Variants in IGSF10 observed in about 807,000 individuals in gnomAD.
IGSF10 encodes the protein calvaria mechanical force protein 608.
Under a neutral mutation model 128.2 loss-of-function variants are expected in IGSF10, and 126 were observed. That is an observed-to-expected ratio of 0.98 (90% CI 0.85 to 1.14). The LOEUF (loss-of-function observed/expected upper bound fraction) is 1.14. Ranked by LOEUF, IGSF10 falls within the 50% of genes most tolerant of loss-of-function variation. The probability of loss-of-function intolerance (pLI) is 0.00; values close to 1 mark genes in which losing one functional copy is unlikely to be tolerated. For synonymous variants in IGSF10, 1,185 were observed against 1,146.2 expected (o/e 1.03, Z -0.68); for missense variants, 3,295 against 3,149.8 (o/e 1.05, Z -1.10).
chr3:151,507,407 A>C, the IGSF10 span, among the ~76,000 whole-genome samples: 1 of 152,216 alleles, frequency 6.6e-6, no homozygotes, highest in African/African-American at 2.4e-5. Context: ...ATATTAAATT[A>C]AGTAGATAAT....
Position 151,443,061 on chromosome 3 carries a change from G to A in IGSF10, c.5886C>T (p.Asn1962=). ...GTTTGGGCTCCCCAGTGGCTGAGCAGTTCAGTAGTAATTTGTCCCCAAAAT... is the reference window on the plus strand; with the variant it reads ...GTTTGGGCTCCCCAGTGGCTGAGCAATTCAGTAGTAATTTGTCCCCAAAAT... The part of the protein sequence containing the change: ...EVNFGDKLLL[N]CSATGEPKPQ... Residue 1962 remains asparagine, a synonymous_variant, in exon 7 of 8, where the codon AAC becomes AAT. Transcript: ENST00000282466. The A allele has an allele frequency of 1.2e-6, 2 of 1,614,228 alleles. No homozygotes were observed. Among genetic ancestry groups the A allele is most frequent in the African/African-American group, 2.7e-5 (2 of 75,054 alleles).
At chr3:151,459,546 G>A (rs1721954721) in intron 2 of IGSF10, among the ~76,000 whole-genome samples, 1 of 152,186 alleles carries the variant, frequency 6.6e-6, no homozygotes, top group Non-Finnish European at 1.5e-5. Context: ...GTGCAGGCAT[G>A]ATGCTGTCTG....
the IGSF10 span, among the ~76,000 whole-genome samples, chr3:151,617,520 G>A: frequency 6.6e-6 from 1 of 151,656 alleles, no homozygotes; most frequent in Non-Finnish European, 1.5e-5. Context: ...GTTCATAACC[G>A]AAGGAGAATT....
the IGSF10 span, among the ~76,000 whole-genome samples, chr3:151,502,409 C>T: frequency 3.3e-5 from 5 of 152,026 alleles, no homozygotes; most frequent in East Asian, 9.6e-4. Context: ...TGGAGTGACG[C>T]TTGTATTTTA....
chr3:151,554,425 ATAAC>A, the IGSF10 span, among the ~76,000 whole-genome samples: 950 of 152,264 alleles, frequency 6.2e-3, 10 homozygotes, highest in African/African-American at 0.022. Flanking sequence ...TTCATAATAA[ATAAC>A]TAAGGCTAGC....
At chr3:151,512,938 C>T in the IGSF10 span, among the ~76,000 whole-genome samples, 6 of 152,146 alleles carry the variant, frequency 3.9e-5, no homozygotes, top group Non-Finnish European at 8.8e-5. Flanking sequence ...TCTGAAAAGA[C>T]CAATAACAGG....
the IGSF10 span, among the ~76,000 whole-genome samples, chr3:151,559,734 T>A: frequency 6.6e-6 from 1 of 151,826 alleles, no homozygotes; most frequent in African/African-American, 2.4e-5. Flanking sequence ...AGTAAGAGAG[T>A]GGTCCTCGCC....
chr3:151,490,755 AAAC>A, the IGSF10 span, among the ~76,000 whole-genome samples: 12 of 152,312 alleles, frequency 7.9e-5, no homozygotes, highest in East Asian at 1.7e-3. Flanking sequence ...TGTAGAGATT[AAAC>A]AACATGCTCC....
the IGSF10 span, among the ~76,000 whole-genome samples, chr3:151,544,851 C>A: frequency 6.6e-6 from 1 of 151,934 alleles, no homozygotes; most frequent in East Asian, 1.9e-4. Context: ...TGATTCTTCT[C>A]TCCTTTGTTT....
the IGSF10 span, among the ~76,000 whole-genome samples, chr3:151,469,840 T>TA: frequency 1.3e-5 from 2 of 152,198 alleles, no homozygotes; most frequent in Non-Finnish European, 2.9e-5. Flanking sequence ...TCCTAGCAGT[T>TA]AAAAAGCCAA....
chr3:151,575,341 A>G, the IGSF10 span, among the ~76,000 whole-genome samples: 1 of 152,190 alleles, frequency 6.6e-6, no homozygotes, highest in Non-Finnish European at 1.5e-5. Flanking sequence ...TGGAGTCTAC[A>G]GAGGCAGGCA....
chr3:151,607,372 T>C, the IGSF10 span, among the ~76,000 whole-genome samples: 2 of 151,928 alleles, frequency 1.3e-5, no homozygotes, highest in Non-Finnish European at 2.9e-5. Flanking sequence ...CATATTAGAA[T>C]CACCTGGGGA....
Position 151,448,948 on chromosome 3 carries a change from A to C in IGSF10, c.1033T>G (p.Phe345Val). 1 of 1,614,228 alleles carries C rather than the reference A, an allele frequency of 6.2e-7. No individual in the cohort carries two copies. The highest frequency in any genetic ancestry group is 8.5e-7 in the Non-Finnish European group (1 of 1,180,028). Reference protein sequence around the residue: ...QKPSRTSPIAFTEENDYIVLN... With the variant: ...QKPSRTSPIAVTEENDYIVLN... ...ACGATGTAGTCATTTTCTTCAGTGA[A>C]TGCAATGGGTGATGTCCTTGAGGGC... Residue 345 changes from phenylalanine (F) to valine (V), a missense_variant, in exon 6 of 8, where the codon TTC becomes GTC. Transcript: ENST00000282466.
chr3:151,573,411 C>G, the IGSF10 span, among the ~76,000 whole-genome samples: 14 of 152,192 alleles, frequency 9.2e-5, no homozygotes, highest in Non-Finnish European at 2.1e-4. Context: ...TCTGGATTCT[C>G]CTGCATTGGG....
chr3:151,438,557 A>G lies in IGSF10; in HGVS notation c.6004T>C (p.Phe2002Leu). ...WIHVYPNGSL[F>L]IGSVTEKDSG... ...TCTTTTTCTGTTACTGATCCAATAAACAGGGATCCATTAGGGTAGACGTGG... is the reference window on the plus strand; with the variant it reads ...TCTTTTTCTGTTACTGATCCAATAAGCAGGGATCCATTAGGGTAGACGTGG... The change falls in exon 8 of 8, where the codon TTT (phenylalanine) becomes CTT (leucine). Residue 2002 changes from phenylalanine to leucine, a missense_variant. Coordinates refer to ENST00000282466, the MANE Select transcript of IGSF10 (RefSeq NM_178822.5). 1 of 1,613,812 alleles carries G rather than the reference A, an allele frequency of 6.2e-7. No individual in the cohort carries two copies. The highest frequency in any genetic ancestry group is 1.1e-5 in the South Asian group (1 of 91,066).
chr3:151,533,856 A>G, the IGSF10 span, among the ~76,000 whole-genome samples: 1 of 152,246 alleles, frequency 6.6e-6, no homozygotes, highest in African/African-American at 2.4e-5. Flanking sequence ...CTATCATCAG[A>G]GTGAACAGGC....
the IGSF10 span, among the ~76,000 whole-genome samples, chr3:151,494,307 C>T: frequency 2.0e-5 from 3 of 151,886 alleles, no homozygotes; most frequent in East Asian, 5.8e-4. Flanking sequence ...TCAACATCTT[C>T]TAAATATAAC....
the IGSF10 span, among the ~76,000 whole-genome samples, chr3:151,596,478 ATG>A: frequency 0.67 from 101,936 of 151,168 alleles, 34,508 homozygotes; most frequent in African/African-American, 0.75. Context: ...TATGGTGTTT[ATG>A]TGTGTGTGTG....
chr3:151,576,857 C>A, the IGSF10 span, among the ~76,000 whole-genome samples: 4 of 152,132 alleles, frequency 2.6e-5, no homozygotes, highest in Non-Finnish European at 5.9e-5. Context: ...CATGAATAAT[C>A]CACTTCTTGT....
Sources: gnomAD v4.1 joint callset for allele counts (sites outside exome capture counted in the v4.1 genomes callset) on GRCh38, gnomAD v4.1.1 for gene constraint, MANE v1.5 for transcripts, NCBI Gene and HGNC (gene_info 2026-07-23, HGNC 2026-07-21) for gene names.